CAMK1G: variants seen among roughly 807,000 people sequenced by gnomAD.
CAMK1G encodes calcium/calmodulin-dependent protein kinase type 1G.
A neutral mutation model predicts 54.8 loss-of-function variants in CAMK1G; 27 were observed. The observed-to-expected ratio is 0.49, with a 90% CI of 0.36 to 0.68. CAMK1G has a LOEUF of 0.68. Among genes scored for constraint, CAMK1G ranks in the 30% least tolerant of loss-of-function variants. The pLI is 0.00. For missense variants in CAMK1G, 512 were observed against 591.0 expected (o/e 0.87, Z 1.39); for synonymous variants, 238 against 224.9 (o/e 1.06, Z -0.52).
chr1:209,603,081 G>A (rs879126642), intron 3 of CAMK1G, 133 bp from the exon 4 acceptor site: 35 of 734,958 alleles, frequency 4.8e-5, no homozygotes, highest in Non-Finnish European at 7.2e-5. Flanking sequence ...TTATTATGAA[G>A]GCTTCACAGA....
intron 6 of CAMK1G, 136 bp downstream of exon 6, chr1:209,606,579 GT>G: frequency 1.0e-6 from 1 of 977,890 alleles, no homozygotes; most frequent in Non-Finnish European, 1.5e-6. Flanking sequence ...CACTTATAAA[GT>G]TTAGGGCCAG....
At chr1:209,586,735 T>C (rs1437150506) in intron 1 of CAMK1G, among the ~76,000 whole-genome samples, 2 of 152,092 alleles carry the variant, frequency 1.3e-5, no homozygotes, top group African/African-American at 4.8e-5. Context: ...ATTATTCACA[T>C]TCAGCAGATG....
At chr1:209,609,776 A>G (rs1414809380) in intron 8 of CAMK1G, 75 bp from the exon 9 acceptor site, 1 of 1,447,308 alleles carries the variant, frequency 6.9e-7, no homozygotes, top group Non-Finnish European at 9.7e-7. Flanking sequence ...ACTGCCACCC[A>G]CCAGCCCGGA....
chr1:209,597,547 G>A (rs1306469164), intron 2 of CAMK1G, among the ~76,000 whole-genome samples: 3 of 152,192 alleles, frequency 2.0e-5, no homozygotes, highest in Non-Finnish European at 2.9e-5. Context: ...TCTTAAGAAT[G>A]GAAACACTCA....
chr1:209,598,236 G>A (rs952866236), intron 2 of CAMK1G, among the ~76,000 whole-genome samples: 1 of 152,184 alleles, frequency 6.6e-6, no homozygotes, highest in Admixed American at 6.5e-5. Context: ...TTCAGAGCCT[G>A]CCTCAGAGAC....
intron 1 of CAMK1G, among the ~76,000 whole-genome samples, chr1:209,591,367 A>T (rs1665244982): frequency 6.6e-6 from 1 of 152,338 alleles, no homozygotes; most frequent in South Asian, 2.1e-4. Flanking sequence ...TTTTTTAATA[A>T]TAAATAGCCA....
chr1:209,590,204 T>C (rs1355532531), intron 1 of CAMK1G, among the ~76,000 whole-genome samples: 1 of 152,156 alleles, frequency 6.6e-6, no homozygotes, highest in East Asian at 1.9e-4. Context: ...AAGGCCTAGA[T>C]TACAGAAGTC....
intron 6 of CAMK1G, 124 bp from the exon 7 acceptor site, chr1:209,607,734 C>A: frequency 1.4e-6 from 1 of 713,802 alleles, no homozygotes; most frequent in Non-Finnish European, 2.4e-6. Context: ...AGTTTTCAGT[C>A]TCCTAGAAAC....
chr1:209,610,642 C>G (rs1345378928), intron 9 of CAMK1G, among the ~76,000 whole-genome samples: 1 of 152,198 alleles, frequency 6.6e-6, no homozygotes, highest in Non-Finnish European at 1.5e-5. Flanking sequence ...TATGTAGCAT[C>G]TTTCAGGATC....
chr1:209,607,398 C>A (rs1236365772), intron 6 of CAMK1G, among the ~76,000 whole-genome samples: 1 of 152,136 alleles, frequency 6.6e-6, no homozygotes, highest in African/African-American at 2.4e-5. Context: ...TCTGGGAGCT[C>A]CTAATCTAAT....
At chr1:209,597,058 G>A (rs1413403026) in intron 2 of CAMK1G, among the ~76,000 whole-genome samples, 1 of 152,222 alleles carries the variant, frequency 6.6e-6, no homozygotes, top group African/African-American at 2.4e-5. Flanking sequence ...CTGAGCGAAA[G>A]AGAAGACATC....
chr1:209,612,382 C>T (rs996531733), intron 11 of CAMK1G, 166 bp downstream of exon 11: 2 of 703,532 alleles, frequency 2.8e-6, no homozygotes, highest in Non-Finnish European at 4.7e-6. Context: ...GCCCTGTCCC[C>T]ATCACTTACT....
intron 6 of CAMK1G, 60 bp from the exon 7 acceptor site, chr1:209,607,798 C>T: frequency 6.9e-7 from 1 of 1,440,416 alleles, no homozygotes. Context: ...GCCTTCAGCT[C>T]CCACCCCAAA....
chr1:209,591,994 G>A (rs938454288), intron 1 of CAMK1G, among the ~76,000 whole-genome samples: 2 of 152,160 alleles, frequency 1.3e-5, no homozygotes, highest in African/African-American at 2.4e-5. Context: ...TTGGGGCAAG[G>A]GGGAGGTGGA....
At position 209,594,582 on chromosome 1, in the gene CAMK1G, G is replaced by T. The variant is rs73093674; in HGVS notation, c.-29-373G>T. On this transcript the variant is annotated intron_variant, in intron 1 of 12. Coordinates refer to ENST00000361322, the MANE Select transcript of CAMK1G (RefSeq NM_020439.3). ...GCAGAGTTGTGACATTAGAGAGGAA[G>T]CCTGGCTGACTCTGTAGTCTGAGTA... is the stretch of plus-strand genomic sequence containing the variant. 6.8e-3 allele frequency among the ~76,000 whole-genome samples: 1,038 copies of T among 152,290 alleles called. 18 individuals are homozygous for T. Among genetic ancestry groups the T allele is most frequent in the African/African-American group, 0.024 (996 of 41,548 alleles).
At chr1:209,585,189 G>A (rs1665066248) in intron 1 of CAMK1G, among the ~76,000 whole-genome samples, 1 of 152,212 alleles carries the variant, frequency 6.6e-6, no homozygotes, top group African/African-American at 2.4e-5. Context: ...CTTTGGGAAA[G>A]AAGCTTGAGG....
intron 9 of CAMK1G, 61 bp from the exon 10 acceptor site, chr1:209,611,404 C>T: frequency 6.7e-7 from 1 of 1,498,054 alleles, no homozygotes. Flanking sequence ...GCACCCTGCC[C>T]ACTCCCTGGA....
chr1:209,593,845 T>A (rs774554031), intron 1 of CAMK1G, among the ~76,000 whole-genome samples: 2 of 118,740 alleles, frequency 1.7e-5, no homozygotes, highest in Middle Eastern at 4.4e-3. Flanking sequence ...CTTCATGTCT[T>A]CCCATCTCAC....
At position 209,601,169 on chromosome 1, in the gene CAMK1G, G is replaced by A. The variant is rs902057321; in HGVS notation, c.221+1058G>A. On this transcript the variant is annotated intron_variant, in intron 3 of 12. Coordinates refer to ENST00000361322, the MANE Select transcript of CAMK1G (RefSeq NM_020439.3). ...CACAGTGGAGGATGGATTGGAGGGT[G>A]CCAGCCTAGAGGACAGGAGGCTAAT... 1.3e-4 allele frequency among the ~76,000 whole-genome samples: 20 copies of A among 152,318 alleles called. No homozygotes were observed. The East Asian group carries it at 2.9e-3, about 22-fold the overall frequency.
Sources: allele counts gnomAD v4.1 joint callset (sites outside exome capture counted in the v4.1 genomes callset), GRCh38; gene constraint gnomAD v4.1.1; transcripts MANE v1.5; gene names NCBI Gene and HGNC (gene_info 2026-07-23, HGNC 2026-07-21).